Variants in SNTG1 observed in about 807,000 individuals in gnomAD.
SNTG1 encodes the protein gamma-1-syntrophin.
A neutral mutation model predicts 74.7 loss-of-function variants in SNTG1; 39 were observed. That is an observed-to-expected ratio of 0.52 (90% CI 0.40 to 0.68). The LOEUF is 0.68. Ranked by LOEUF, SNTG1 falls within the 30% of genes least tolerant of loss-of-function variation. The probability of loss-of-function intolerance (pLI) is 0.00; values close to 1 mark genes in which losing one functional copy is unlikely to be tolerated. For synonymous variants in SNTG1, 254 were observed against 217.1 expected, an observed-to-expected ratio of 1.17 and a Z score of -1.49; for missense variants, 685 against 609.5, an observed-to-expected ratio of 1.12 and a Z score of -1.30.
At chr8:50,127,634 A>G (rs1005626318) in intron 1 of SNTG1, among the ~76,000 whole-genome samples, 2 of 152,142 alleles carry the variant, frequency 1.3e-5, no homozygotes, top group African/African-American at 4.8e-5. Flanking sequence ...AGATAGAAAC[A>G]TTCAAGACAT....
At chr8:50,153,549 T>A (rs1184927749) in intron 1 of SNTG1, among the ~76,000 whole-genome samples, 1 of 152,188 alleles carries the variant, frequency 6.6e-6, no homozygotes, top group Non-Finnish European at 1.5e-5. Context: ...ACCTTTGGTC[T>A]TTGATGATGG....
intron 2 of SNTG1, among the ~76,000 whole-genome samples, chr8:50,296,480 G>A (rs971810191): frequency 2.6e-5 from 4 of 152,108 alleles, no homozygotes; most frequent in African/African-American, 9.7e-5. Flanking sequence ...GGATGAAGCT[G>A]GAGACCATCA....
At chr8:50,353,329 C>T (rs886892815) in intron 2 of SNTG1, among the ~76,000 whole-genome samples, 1 of 151,892 alleles carries the variant, frequency 6.6e-6, no homozygotes, top group Admixed American at 6.6e-5. Flanking sequence ...GGGTGCAGCA[C>T]ACCAACATGG....
chr8:49,918,621 T>A (rs1806254425), intron 1 of SNTG1, among the ~76,000 whole-genome samples: 1 of 145,528 alleles, frequency 6.9e-6, no homozygotes, highest in South Asian at 2.3e-4. Flanking sequence ...GATGTCTTAT[T>A]GTATGTTCGG....
intron 4 of SNTG1, among the ~76,000 whole-genome samples, chr8:50,436,291 T>G (rs1046485790): frequency 1.3e-5 from 2 of 152,160 alleles, no homozygotes; most frequent in Non-Finnish European, 2.9e-5. Context: ...GTTGTCAGTT[T>G]TATAAAAGCA....
chr8:50,162,625 C>T (rs929111489), intron 1 of SNTG1, among the ~76,000 whole-genome samples: 6 of 151,856 alleles, frequency 4.0e-5, no homozygotes, highest in African/African-American at 1.5e-4. Context: ...CTTCATCCTC[C>T]ATCATGCTTC....
At chr8:50,461,254 T>C (rs1238442638) in intron 8 of SNTG1, among the ~76,000 whole-genome samples, 1 of 150,140 alleles carries the variant, frequency 6.7e-6, no homozygotes, top group African/African-American at 2.5e-5. Context: ...CGGAGTGAAA[T>C]TGCCATTCTT....
chr8:50,309,003 C>T (rs79935650), intron 2 of SNTG1, among the ~76,000 whole-genome samples: 10,525 of 152,084 alleles, frequency 0.069, 405 homozygotes, highest in African/African-American at 0.085. Context: ...AAAGGCTTTC[C>T]TGATAGAACA....
intron 2 of SNTG1, among the ~76,000 whole-genome samples, chr8:50,391,241 T>A (rs1022618594): frequency 4.6e-5 from 7 of 152,162 alleles, no homozygotes; most frequent in African/African-American, 1.7e-4. Flanking sequence ...TTGAGATATG[T>A]CCCATCGATA....
intron 11 of SNTG1, among the ~76,000 whole-genome samples, chr8:50,537,922 A>T (rs778482004): frequency 5.3e-5 from 8 of 152,188 alleles, no homozygotes; most frequent in Non-Finnish European, 1.2e-4. Context: ...GTAGTTTGCC[A>T]GTCCATTTTG....
intron 4 of SNTG1, among the ~76,000 whole-genome samples, chr8:50,436,300 C>T (rs906499933): frequency 6.6e-6 from 1 of 152,088 alleles, no homozygotes; most frequent in South Asian, 2.1e-4. Context: ...TTTATAAAAG[C>T]AGTTTACCTA....
chr8:50,046,789 G>A (rs203963), intron 1 of SNTG1, among the ~76,000 whole-genome samples: 133,297 of 152,198 alleles, frequency 0.88, 58,468 homozygotes, highest in East Asian at 0.99. Context: ...AATTTTCCCA[G>A]GTATCTGATT....
At chr8:50,667,822 A>C in intron 15 of SNTG1, among the ~76,000 whole-genome samples, 1 of 151,580 alleles carries the variant, frequency 6.6e-6, no homozygotes, top group Non-Finnish European at 1.5e-5. Context: ...TAAAATTAAT[A>C]TGGTTATTTT....
chr8:50,528,525 T>C (rs760030550), intron 9 of SNTG1, among the ~76,000 whole-genome samples: 5 of 152,008 alleles, frequency 3.3e-5, no homozygotes, highest in Non-Finnish European at 7.4e-5. Context: ...CATGATGTGA[T>C]ATATTTTTCA....
intron 5 of SNTG1, among the ~76,000 whole-genome samples, chr8:50,447,906 C>T (rs1350535943): frequency 1.3e-5 from 2 of 152,148 alleles, no homozygotes; most frequent in African/African-American, 2.4e-5. Context: ...CACTTTAATG[C>T]TATGTGAGTT....
chr8:50,256,489 A>C (rs887542978), intron 2 of SNTG1, among the ~76,000 whole-genome samples: 10 of 152,184 alleles, frequency 6.6e-5, no homozygotes, highest in Middle Eastern at 3.4e-3. Flanking sequence ...CTAAAACTAC[A>C]TGAATGTGAG....
chr8:50,404,754 C>A (rs965240045), intron 4 of SNTG1, among the ~76,000 whole-genome samples: 2 of 152,078 alleles, frequency 1.3e-5, no homozygotes, highest in South Asian at 2.1e-4. Context: ...TATTCATTGC[C>A]AGAATTTTCA....
chr8:50,557,365 G>A (rs2094462338), intron 12 of SNTG1, among the ~76,000 whole-genome samples: 1 of 152,160 alleles, frequency 6.6e-6, no homozygotes, highest in South Asian at 2.1e-4. Context: ...AACTGTATTA[G>A]TTTCCTAAAA....
rs183976043 is a variant in SNTG1, at chr8:50,295,191, C to T, written c.-27-99021C>T. ...AGGACAAAGTACATTCTTAAGGATA[C>T]GTTTTAAACAAGAAATAATAATCAT... On this transcript the variant is annotated intron_variant, in intron 2 of 18. Coordinates refer to ENST00000642720, the MANE Select transcript of SNTG1 (RefSeq NM_018967.5). Among the ~76,000 whole-genome samples, 16 of 152,172 alleles carry T rather than the reference C, an allele frequency of 1.1e-4. No homozygotes were observed. In the East Asian group the frequency reaches 2.3e-3, roughly 22 times the overall value.
Sources: gnomAD v4.1 joint callset for allele counts (sites outside exome capture counted in the v4.1 genomes callset) on GRCh38, gnomAD v4.1.1 for gene constraint, MANE v1.5 for transcripts, NCBI Gene and HGNC (gene_info 2026-07-23, HGNC 2026-07-21) for gene names.